JMJD1C: variants seen among roughly 807,000 people sequenced by gnomAD.
JMJD1C encodes jumonji domain containing 1C, also known as jumonji domain-containing protein 1C.
JMJD1C carries 31 observed loss-of-function variants against 245.3 expected under a neutral mutation model. The ratio of observed to expected loss-of-function variants is 0.13; its 90% CI spans 0.09 to 0.17. The LOEUF is 0.17. Ranked by LOEUF, JMJD1C falls within the 10% of genes least tolerant of loss-of-function variation. The pLI, the probability that JMJD1C is intolerant of heterozygous loss-of-function variation, is 1.00. For synonymous variants in JMJD1C, 1,057 were observed against 1,017.4 expected, an observed-to-expected ratio of 1.04 and a Z score of -0.74; for missense variants, 2,691 against 3,000.2, an observed-to-expected ratio of 0.90 and a Z score of 2.41.
At chr10:63,515,302 C>G (rs1954984560) in intron 1 of JMJD1C, among the ~76,000 whole-genome samples, 1 of 152,302 alleles carries the variant, frequency 6.6e-6, no homozygotes, top group East Asian at 1.9e-4. Flanking sequence ...TGAGGGCAGG[C>G]CTTGTTAAGA....
intron 1 of JMJD1C, among the ~76,000 whole-genome samples, chr10:63,407,820 CA>C (rs35231206): frequency 0.16 from 20,241 of 124,490 alleles, 1,984 homozygotes; most frequent in East Asian, 0.33. Context: ...GAGAAACAAA[CA>C]AAAAAAAAAA....
intron 17 of JMJD1C, among the ~76,000 whole-genome samples, chr10:63,190,593 C>G (rs1207080657): frequency 3.9e-5 from 6 of 152,136 alleles, no homozygotes; most frequent in Non-Finnish European, 8.8e-5. Context: ...AAGTAACATA[C>G]AACATTCACT....
At chr10:63,419,010 G>C (rs1949958813) in intron 1 of JMJD1C, among the ~76,000 whole-genome samples, 1 of 150,930 alleles carries the variant, frequency 6.6e-6, no homozygotes, top group African/African-American at 2.4e-5. Flanking sequence ...CCAGGAGACG[G>C]AGGTGGCAGT....
chr10:63,492,168 G>C (rs1463299046), intron 1 of JMJD1C, among the ~76,000 whole-genome samples: 1 of 152,100 alleles, frequency 6.6e-6, no homozygotes, highest in Non-Finnish European at 1.5e-5. Flanking sequence ...GAAGCAGCTG[G>C]GACTACAGGC....
At position 63,244,647 on chromosome 10, in the gene JMJD1C, T is replaced by G. The variant is rs950275100; in HGVS notation, c.447+20004A>C. 3.3e-4 allele frequency among the ~76,000 whole-genome samples: 50 copies of G among 151,798 alleles called. 1 individual carries two copies. The highest frequency in any genetic ancestry group is 1.2e-3 in the African/African-American group (49 of 41,360). On this transcript the variant is annotated intron_variant, in intron 3 of 25. Transcript: ENST00000399262. ...AAACAGCTGTTTTAAGAAAACAGAG[T>G]GATCTCCAAGATAACACAGAAAAGC...
At chr10:63,425,147 G>A (rs1327241896) in intron 1 of JMJD1C, among the ~76,000 whole-genome samples, 1 of 151,958 alleles carries the variant, frequency 6.6e-6, no homozygotes, top group African/African-American at 2.4e-5. Context: ...GAAAAGATGG[G>A]AACCCTGAAG....
intron 1 of JMJD1C, among the ~76,000 whole-genome samples, chr10:63,421,173 A>C (rs1380773026): frequency 6.6e-6 from 1 of 152,086 alleles, no homozygotes; most frequent in Non-Finnish European, 1.5e-5. Flanking sequence ...CATCTCTACT[A>C]AAAATACAAA....
chr10:63,445,138 T>A (rs1469695801), intron 1 of JMJD1C, among the ~76,000 whole-genome samples: 1 of 152,166 alleles, frequency 6.6e-6, no homozygotes, highest in African/African-American at 2.4e-5. Flanking sequence ...GTGGATCACC[T>A]GAGCCCAGGA....
chr10:63,397,419 G>A (rs1948577196), intron 1 of JMJD1C, among the ~76,000 whole-genome samples: 2 of 152,066 alleles, frequency 1.3e-5, no homozygotes, highest in East Asian at 1.9e-4. Flanking sequence ...CTCCTTGTTG[G>A]CCAGGCTGGT....
chr10:63,248,302 G>A (rs888334574), intron 3 of JMJD1C, among the ~76,000 whole-genome samples: 15 of 150,578 alleles, frequency 1.0e-4, no homozygotes, highest in African/African-American at 3.7e-4. Context: ...CTAACACAGG[G>A]AAGTTTTTCA....
intron 2 of JMJD1C, among the ~76,000 whole-genome samples, chr10:63,274,933 C>T (rs1183265009): frequency 1.3e-5 from 2 of 151,992 alleles, no homozygotes; most frequent in East Asian, 1.9e-4. Context: ...TAGTGGCATG[C>T]CCCTGGAATC....
intron 2 of JMJD1C, among the ~76,000 whole-genome samples, chr10:63,306,028 C>T (rs1387511208): frequency 1.3e-5 from 2 of 151,804 alleles, no homozygotes; most frequent in Non-Finnish European, 2.9e-5. Flanking sequence ...CGGTAGAGAC[C>T]CCATCTCTTA....
intron 3 of JMJD1C, among the ~76,000 whole-genome samples, chr10:63,253,343 G>C (rs895662012): frequency 1.3e-4 from 19 of 151,712 alleles, no homozygotes; most frequent in Non-Finnish European, 2.1e-4. Context: ...GGGGAAACTG[G>C]ATATTCACAT....
chr10:63,190,098 ATGT>A (rs1303151023), intron 17 of JMJD1C, among the ~76,000 whole-genome samples: 1 of 151,628 alleles, frequency 6.6e-6, no homozygotes, highest in African/African-American at 2.4e-5. Flanking sequence ...GGGTTTCACC[ATGT>A]TGTTGGCCAG....
At chr10:63,347,346 G>A (rs1368268841) in intron 2 of JMJD1C, among the ~76,000 whole-genome samples, 1 of 152,000 alleles carries the variant, frequency 6.6e-6, no homozygotes. Context: ...CACTTTGGGA[G>A]GCCGACGCGG....
chr10:63,276,397 C>A (rs985309037), intron 2 of JMJD1C, among the ~76,000 whole-genome samples: 10 of 143,174 alleles, frequency 7.0e-5, no homozygotes, highest in African/African-American at 2.1e-4. Context: ...ACCTGGGAGG[C>A]GGAACTTCCA....
At chr10:63,240,074 A>G (rs1039102284) in intron 3 of JMJD1C, among the ~76,000 whole-genome samples, 2 of 152,172 alleles carry the variant, frequency 1.3e-5, no homozygotes, top group Non-Finnish European at 2.9e-5. Flanking sequence ...TTTTAACTCC[A>G]TGGGGGCAGG....
intron 1 of JMJD1C, among the ~76,000 whole-genome samples, chr10:63,384,665 C>A (rs1947454412): frequency 6.6e-6 from 1 of 152,104 alleles, no homozygotes; most frequent in South Asian, 2.1e-4. Flanking sequence ...AGAGCACCTG[C>A]AAAGTAGATT....
intron 3 of JMJD1C, among the ~76,000 whole-genome samples, chr10:63,231,011 T>C (rs1376336104): frequency 6.6e-6 from 1 of 152,190 alleles, no homozygotes; most frequent in African/African-American, 2.4e-5. Context: ...TTGTTAAGTT[T>C]TTAAGTTGTA....
Sources: gnomAD v4.1 joint callset for allele counts (sites outside exome capture counted in the v4.1 genomes callset) on GRCh38, gnomAD v4.1.1 for gene constraint, MANE v1.5 for transcripts, NCBI Gene and HGNC (gene_info 2026-07-23, HGNC 2026-07-21) for gene names.